The following PTPRT variants were observed in gnomAD, a reference collection of about 807,000 sequenced individuals.
The protein encoded by PTPRT is protein tyrosine phosphatase receptor type T, also known as receptor-type tyrosine-protein phosphatase T.
In PTPRT, 56 loss-of-function variants were observed where a neutral mutation model predicts 176.8. The observed-to-expected ratio is 0.32, with a 90% CI of 0.26 to 0.40. The LOEUF is 0.40. PTPRT is among the 10% of genes least tolerant of loss of function. PTPRT has a pLI of 1.00. For synonymous variants in PTPRT, 783 were observed against 739.0 expected (o/e 1.06, Z -0.96); for missense variants, 1,540 against 1,908.2 (o/e 0.81, Z 3.60).
chr20:42,727,710 A>C (rs150134073), intron 6 of PTPRT, among the ~76,000 whole-genome samples: 7 of 152,346 alleles, frequency 4.6e-5, no homozygotes, highest in Admixed American at 2.0e-4. Flanking sequence ...TCCCTGGTCT[A>C]CTAGGTGTTC....
intron 1 of PTPRT, among the ~76,000 whole-genome samples, chr20:43,013,552 G>A (rs569702692): frequency 1.3e-5 from 2 of 152,242 alleles, no homozygotes; most frequent in East Asian, 3.9e-4. Context: ...GTACATATCT[G>A]GAAGTGGTCT....
intron 12 of PTPRT, among the ~76,000 whole-genome samples, chr20:42,306,167 T>C (rs1375416092): frequency 6.6e-6 from 1 of 152,162 alleles, no homozygotes; most frequent in Admixed American, 6.5e-5. Flanking sequence ...GTAGAAACTG[T>C]AAGTGGATGA....
chr20:42,552,137 G>T (rs78737010), intron 7 of PTPRT, among the ~76,000 whole-genome samples: 1 of 152,298 alleles, frequency 6.6e-6, no homozygotes, highest in East Asian at 1.9e-4. Context: ...AAGGTTTGTT[G>T]CTGGACTCAT....
intron 7 of PTPRT, among the ~76,000 whole-genome samples, chr20:42,571,483 T>C (rs1016767766): frequency 3.9e-5 from 6 of 152,326 alleles, no homozygotes; most frequent in African/African-American, 1.2e-4. Context: ...AGACTTCTGA[T>C]CTCCAGAATT....
intron 1 of PTPRT, among the ~76,000 whole-genome samples, chr20:42,912,722 G>A (rs975815083): frequency 2.0e-5 from 3 of 152,256 alleles, no homozygotes; most frequent in South Asian, 4.2e-4. Flanking sequence ...CATAGTGTAA[G>A]AATCTAACTT....
rs527283794 is a variant in PTPRT, at chr20:42,128,787, C to T, written c.2814G>A (p.Pro938=). ...AGTTGGCATTGATGTAGTCAGAGTG[C>T]GGGTCTCCATCCAGCACCAGCAGCC... ...RVRLLVLDGD[P]HSDYINANYI... is the part of the protein sequence containing the mutation. Residue 938 remains proline, a synonymous_variant, in exon 19 of 31, where the codon CCG becomes CCA. Coordinates refer to ENST00000373187, the MANE Select transcript of PTPRT (RefSeq NM_007050.6). The T allele has an allele frequency of 1.2e-5, 19 of 1,605,638 alleles. No homozygotes were observed. The highest frequency in any genetic ancestry group is 2.7e-5 in the African/African-American group (2 of 74,584).
rs529170419 is a variant in PTPRT at position 42,278,844 on chromosome 20, C to T, written c.2176+3645G>A. ...ATTAGCACCTCTGAAGTCTAAGTCCCTACCCCAAGCTTCCACATGCTCCAT... is the reference window on the plus strand; with the variant it reads ...ATTAGCACCTCTGAAGTCTAAGTCCTTACCCCAAGCTTCCACATGCTCCAT... On this transcript the variant is annotated intron_variant, in intron 13 of 30. Transcript: ENST00000373187. Among the ~76,000 whole-genome samples, 10 of 152,124 alleles carry T rather than the reference C, an allele frequency of 6.6e-5. No homozygotes were observed. The South Asian group carries it at 2.1e-3, about 32-fold the overall frequency.
chr20:42,614,080 T>C (rs1231905019), intron 7 of PTPRT, among the ~76,000 whole-genome samples: 1 of 152,092 alleles, frequency 6.6e-6, no homozygotes, highest in Non-Finnish European at 1.5e-5. Flanking sequence ...GTGGATTCCT[T>C]TGAAGGGCTG....
intron 8 of PTPRT, among the ~76,000 whole-genome samples, chr20:42,456,494 TA>T (rs746604231): frequency 6.6e-6 from 1 of 152,072 alleles, no homozygotes; most frequent in Non-Finnish European, 1.5e-5. Context: ...GTAGGTTTTT[TA>T]GTTATCTTTA....
chr20:42,106,045 G>C (rs921972691), intron 24 of PTPRT, among the ~76,000 whole-genome samples: 2 of 152,198 alleles, frequency 1.3e-5, no homozygotes, highest in African/African-American at 4.8e-5. Context: ...CACATGGACC[G>C]AAGTTCTACC....
chr20:42,218,654 T>A (rs2055821637), intron 15 of PTPRT, among the ~76,000 whole-genome samples: 1 of 152,148 alleles, frequency 6.6e-6, no homozygotes, highest in Non-Finnish European at 1.5e-5. Flanking sequence ...AGAAAACAAC[T>A]CTGAAGGCAT....
At chr20:43,126,861 T>C (rs906662565) in intron 1 of PTPRT, among the ~76,000 whole-genome samples, 9 of 152,156 alleles carry the variant, frequency 5.9e-5, no homozygotes, top group Admixed American at 5.9e-4. Flanking sequence ...TAAACATCCA[T>C]AGAGTGCTTC....
chr20:42,373,596 C>G (rs1179924093), intron 9 of PTPRT, among the ~76,000 whole-genome samples: 3 of 152,118 alleles, frequency 2.0e-5, no homozygotes, highest in Admixed American at 6.5e-5. Flanking sequence ...CCTGTTGATA[C>G]CAATATGAAT....
At chr20:42,921,756 AG>A (rs1339131081) in intron 1 of PTPRT, among the ~76,000 whole-genome samples, 2 of 152,216 alleles carry the variant, frequency 1.3e-5, no homozygotes, top group African/African-American at 4.8e-5. Context: ...CACTCCAATC[AG>A]GGTCTTGCTG....
chr20:42,843,796 A>G (rs994859856), intron 2 of PTPRT, among the ~76,000 whole-genome samples: 3 of 152,242 alleles, frequency 2.0e-5, no homozygotes, highest in Non-Finnish European at 2.9e-5. Flanking sequence ...ATGAGAGGGA[A>G]TTAAGGGGTA....
chr20:42,787,081 T>C (rs3091851), intron 3 of PTPRT, among the ~76,000 whole-genome samples: 2,791 of 152,302 alleles, frequency 0.018, 95 homozygotes, highest in African/African-American at 0.063. Context: ...AATTGAGTAA[T>C]TGCAATAGAA....
rs543679613 is a variant in PTPRT at position 43,135,302 on chromosome 20, T to C, written c.88+54344A>G. ...ATGTTTGAACACTTCTTAAGAAAAG[T>C]GTTTACAAAAACGTGAACACACATA... On this transcript the variant is annotated intron_variant, in intron 1 of 30. Transcript: ENST00000373187. Among the ~76,000 whole-genome samples the C allele has an allele frequency of 1.8e-4, 28 of 152,350 alleles. No individual in the cohort carries two copies. The South Asian group carries it at 3.9e-3, about 21-fold the overall frequency.
rs758242008 is a variant in PTPRT, at chr20:42,084,709, C to T, written c.4109G>A (p.Arg1370Lys). 11 of 1,552,958 alleles carry T rather than the reference C, an allele frequency of 7.1e-6. No homozygotes were observed. In the Admixed American group the frequency reaches 8.9e-5, roughly 13 times the overall value. ...LEKWQEQYDG[R>K]EGRTVVHCLN... Reference sequence around the variant, plus strand: ...GCAGTGGACCACAGTACGTCCCTCCCTCCCGTCATACTGCTCCTGCCACTT... The same window carrying T: ...GCAGTGGACCACAGTACGTCCCTCCTTCCCGTCATACTGCTCCTGCCACTT... Residue 1370 changes from arginine (R) to lysine (K), a missense_variant, in exon 29 of 31, where the codon AGG becomes AAG. By Grantham distance (26) the Arg-to-Lys change is conservative. Coordinates refer to ENST00000373187, the MANE Select transcript of PTPRT (RefSeq NM_007050.6).
chr20:42,858,342 A>G (rs1041382587), intron 2 of PTPRT, among the ~76,000 whole-genome samples: 27 of 152,360 alleles, frequency 1.8e-4, no homozygotes, highest in Admixed American at 1.4e-3. Context: ...CCAAGAGGAG[A>G]CAAGGGTAGG....
Sources: allele counts gnomAD v4.1 joint callset (sites outside exome capture counted in the v4.1 genomes callset), GRCh38; gene constraint gnomAD v4.1.1; transcripts MANE v1.5; gene names NCBI Gene and HGNC (gene_info 2026-07-23, HGNC 2026-07-21).